TBC1D22A: variants seen among roughly 807,000 people sequenced by gnomAD.
TBC1D22A encodes TBC1 domain family member 22A, also known as putative GTPase activator.
A neutral mutation model predicts 60.2 loss-of-function variants in TBC1D22A; 38 were observed. That is an observed-to-expected ratio of 0.63 (90% confidence interval 0.49 to 0.83). The LOEUF is 0.83. Among genes scored for constraint, TBC1D22A ranks in the 40% least tolerant of loss-of-function variants. TBC1D22A has a pLI of 0.00. For missense variants in TBC1D22A, 628 were observed against 701.0 expected (o/e 0.90, Z 1.18); for synonymous variants, 302 against 281.7 (o/e 1.07, Z -0.72).
intron 4 of TBC1D22A, among the ~76,000 whole-genome samples, chr22:46,877,463 C>T (rs980716195): frequency 3.3e-5 from 5 of 152,132 alleles, no homozygotes; most frequent in Non-Finnish European, 4.4e-5. Flanking sequence ...GGAACATGGT[C>T]GGTAAACATT....
At chr22:46,976,842 G>A (rs117843621) in intron 9 of TBC1D22A, among the ~76,000 whole-genome samples, 4,451 of 152,244 alleles carry the variant, frequency 0.029, 91 homozygotes, top group Non-Finnish European at 0.041. Flanking sequence ...CGTCCACGCC[G>A]TTGCTGCAGA....
chr22:46,828,972 T>C (rs927385153), intron 4 of TBC1D22A, among the ~76,000 whole-genome samples: 10 of 152,202 alleles, frequency 6.6e-5, no homozygotes, highest in African/African-American at 2.2e-4. Flanking sequence ...CTAGAGGCAC[T>C]GATACAGTAA....
intron 2 of TBC1D22A, among the ~76,000 whole-genome samples, chr22:46,793,179 G>A (rs1023667143): frequency 3.3e-5 from 5 of 152,230 alleles, no homozygotes; most frequent in African/African-American, 7.2e-5. Context: ...CTGGGCAGGA[G>A]CCTTACTGGG....
intron 4 of TBC1D22A, among the ~76,000 whole-genome samples, chr22:46,832,581 G>A (rs1190168262): frequency 1.3e-5 from 2 of 152,178 alleles, no homozygotes; most frequent in Non-Finnish European, 2.9e-5. Flanking sequence ...GAAAGGCAGA[G>A]GTTGCAGTGA....
chr22:46,941,904 AATATAT>A (rs1223407044), intron 8 of TBC1D22A, among the ~76,000 whole-genome samples: 1 of 136,768 alleles, frequency 7.3e-6, no homozygotes, highest in African/African-American at 2.8e-5. Flanking sequence ...ATGTATATAG[AATATAT>A]GTATATGTAT....
chr22:47,096,587 C>A lies in TBC1D22A; in HGVS notation c.1330-14921C>A, dbSNP rs145708358. On this transcript the variant is annotated intron_variant, in intron 11 of 12. Coordinates refer to ENST00000337137, the MANE Select transcript of TBC1D22A (RefSeq NM_014346.5). The stretch of plus-strand genomic sequence containing the variant: ...CTGTAATCCCAGCACTTTGGGGGGC[C>A]GAGGGAGGCAGATCACTTGAGGCCA... Among the ~76,000 whole-genome samples the A allele has an allele frequency of 7.3e-3, 1,107 of 152,140 alleles. 5 individuals are homozygous for A. Among genetic ancestry groups the A allele is most frequent in the Middle Eastern group, 0.051 (15 of 294 alleles).
At chr22:47,086,322 G>A (rs890087014) in intron 11 of TBC1D22A, among the ~76,000 whole-genome samples, 4 of 152,208 alleles carry the variant, frequency 2.6e-5, no homozygotes, top group African/African-American at 9.6e-5. Context: ...GGGCGTGGTG[G>A]CAGGCGCCTG....
chr22:47,004,780 A>G (rs536734596), intron 10 of TBC1D22A, among the ~76,000 whole-genome samples: 2 of 150,410 alleles, frequency 1.3e-5, no homozygotes, highest in Non-Finnish European at 3.0e-5. Context: ...TCAGATGCCT[A>G]TATACACACA....
intron 12 of TBC1D22A, among the ~76,000 whole-genome samples, chr22:47,163,800 C>T (rs540543644): frequency 6.6e-6 from 1 of 152,322 alleles, no homozygotes; most frequent in African/African-American, 2.4e-5. Context: ...ACACCTGCAC[C>T]ACGGGGTCGT....
intron 4 of TBC1D22A, among the ~76,000 whole-genome samples, chr22:46,852,970 G>A (rs561060883): frequency 1.5e-4 from 23 of 152,186 alleles, no homozygotes; most frequent in Non-Finnish European, 2.9e-4. Context: ...GGGACTGGAC[G>A]ACAGTCCATT....
At chr22:47,040,805 G>A (rs1211114944) in intron 11 of TBC1D22A, among the ~76,000 whole-genome samples, 1 of 152,140 alleles carries the variant, frequency 6.6e-6, no homozygotes, top group African/African-American at 2.4e-5. Context: ...TCTAAATCCC[G>A]GTGACTTCTT....
At chr22:47,033,341 G>C (rs999354463) in intron 10 of TBC1D22A, among the ~76,000 whole-genome samples, 1 of 152,206 alleles carries the variant, frequency 6.6e-6, no homozygotes, top group Admixed American at 6.5e-5. Context: ...CTAGGGTGTG[G>C]CTGGAAAACT....
intron 5 of TBC1D22A, among the ~76,000 whole-genome samples, chr22:46,881,579 G>A (rs923822531): frequency 1.3e-5 from 2 of 152,236 alleles, no homozygotes; most frequent in African/African-American, 4.8e-5. Context: ...TCAGGGAACA[G>A]GCTGTTCTTG....
rs1213004834 is a variant in TBC1D22A, at chr22:47,132,044, C to T, written c.1425+20441C>T. ...GGTGGCATGGCAAGGGTGCAGTGTGCGGCCAGTTTCTTAGCACCTCCCTCG... is the reference window on the plus strand; with the variant it reads ...GGTGGCATGGCAAGGGTGCAGTGTGTGGCCAGTTTCTTAGCACCTCCCTCG... On this transcript the variant is annotated intron_variant, in intron 12 of 12. Coordinates refer to ENST00000337137, the MANE Select transcript of TBC1D22A (RefSeq NM_014346.5). 3.3e-5 allele frequency among the ~76,000 whole-genome samples: 5 copies of T among 152,160 alleles called. No homozygotes were observed. The South Asian group carries it at 6.2e-4, about 19-fold the overall frequency.
At chr22:46,872,306 A>AT (rs953682821) in intron 4 of TBC1D22A, among the ~76,000 whole-genome samples, 5 of 152,076 alleles carry the variant, frequency 3.3e-5, no homozygotes, top group Non-Finnish European at 5.9e-5. Context: ...AACACTTCTC[A>AT]TTTTTTTTAA....
intron 10 of TBC1D22A, 27 bp downstream of exon 10, chr22:46,997,736 C>G: frequency 6.2e-7 from 1 of 1,610,250 alleles, no homozygotes. Context: ...CGCAGCCCCT[C>G]TCTGTGGGCG....
intron 7 of TBC1D22A, among the ~76,000 whole-genome samples, chr22:46,902,520 G>A (rs905012954): frequency 6.6e-6 from 1 of 152,178 alleles, no homozygotes; most frequent in Non-Finnish European, 1.5e-5. Context: ...CATCCTTAGG[G>A]CGTCCTTCCT....
chr22:47,117,925 C>T (rs950408422), intron 12 of TBC1D22A, among the ~76,000 whole-genome samples: 1 of 151,970 alleles, frequency 6.6e-6, no homozygotes, highest in Non-Finnish European at 1.5e-5. Flanking sequence ...GAGTTCGAGA[C>T]CAGCCTGACC....
chr22:47,017,208 G>A (rs1018278562), intron 10 of TBC1D22A, among the ~76,000 whole-genome samples: 2 of 152,216 alleles, frequency 1.3e-5, no homozygotes, highest in African/African-American at 2.4e-5. Context: ...ATGGGAAGAA[G>A]GCAGTAATAG....
Sources: gnomAD v4.1 joint callset for allele counts (sites outside exome capture counted in the v4.1 genomes callset) on GRCh38, gnomAD v4.1.1 for gene constraint, MANE v1.5 for transcripts, NCBI Gene and HGNC (gene_info 2026-07-23, HGNC 2026-07-21) for gene names.